The following FAM185A variants were observed in gnomAD, a reference collection of about 807,000 sequenced individuals.
The protein encoded by FAM185A is protein FAM185A.
In FAM185A, 21 loss-of-function variants were observed where a neutral mutation model predicts 45.7. The ratio of observed to expected loss-of-function variants is 0.46; its 90% confidence interval spans 0.33 to 0.66. FAM185A has a LOEUF of 0.66. Among genes scored for constraint, FAM185A ranks in the 30% least tolerant of loss-of-function variants. The probability of loss-of-function intolerance (pLI) is 0.03; values close to 1 mark genes in which losing one functional copy is unlikely to be tolerated. For synonymous variants in FAM185A, 117 were observed against 194.0 expected, an observed-to-expected ratio of 0.60 and a Z score of 3.30; for missense variants, 305 against 485.4, an observed-to-expected ratio of 0.63 and a Z score of 3.49.
intron 7 of FAM185A, among the ~76,000 whole-genome samples, chr7:102,807,697 A>T (rs1459273506): frequency 6.6e-6 from 1 of 151,216 alleles, no homozygotes; most frequent in African/African-American, 2.4e-5. Context: ...GTGGATCACG[A>T]GGTAAGGAGT....
chr7:102,826,770 T>C, the FAM185A span, among the ~76,000 whole-genome samples: 34 of 98,980 alleles, frequency 3.4e-4, 1 homozygote, highest in African/African-American at 1.2e-3. Flanking sequence ...TATATATATA[T>C]ATGTATATAT....
chr7:102,828,498 G>T, the FAM185A span, among the ~76,000 whole-genome samples: 1 of 152,164 alleles, frequency 6.6e-6, no homozygotes, highest in African/African-American at 2.4e-5. Flanking sequence ...TTGTCATGGG[G>T]AATCCCAGAA....
chr7:102,809,827 C>T (rs892636974), downstream of FAM185A, among the ~76,000 whole-genome samples: 4 of 151,942 alleles, frequency 2.6e-5, no homozygotes, highest in African/African-American at 9.7e-5. Flanking sequence ...AAATGTAATC[C>T]CCAGTGTTGG....
In FAM185A at chr7:102,749,505, C is replaced by A. The variant is rs1429738763; in HGVS notation, c.298C>A (p.Arg100Ser). ...LDPLTYPDGDRVLVAVCGVEG... is the reference protein window; with the variant it reads ...LDPLTYPDGDSVLVAVCGVEG... ...CCCCCTCACCTACCCGGATGGCGAC[C>A]GCGTGCTGGTCGCGGTGTGCGGCGT... Residue 100 changes from arginine to serine, a missense_variant, in exon 1 of 8, where the codon CGC (arginine) becomes AGC (serine). This residue lies in a region of FAM185A where 174 missense variants were observed against 247.1 expected (regional missense o/e 0.70). Transcript: ENST00000413034. The A allele has an allele frequency of 1.3e-6, 2 of 1,526,072 alleles. No homozygotes were observed. The highest frequency in any genetic ancestry group is 1.8e-6 in the Non-Finnish European group (2 of 1,136,588). 94.5% of individuals were successfully genotyped at this position (1,526,072 alleles called of 1,614,324 possible). A position where few individuals can be genotyped will look rare whatever the true frequency, so the allele number is the denominator to read the frequency against.
chr7:102,831,431 A>ACACACACCCCCC, the FAM185A span, among the ~76,000 whole-genome samples: 53 of 147,230 alleles, frequency 3.6e-4, no homozygotes, highest in African/African-American at 1.2e-3. Context: ...ACACACACAC[A>ACACACACCCCCC]CCCCACTACA....
At chr7:102,801,273 C>G (rs916689909) in intron 7 of FAM185A, among the ~76,000 whole-genome samples, 2 of 152,022 alleles carry the variant, frequency 1.3e-5, no homozygotes, top group African/African-American at 2.4e-5. Context: ...AACAGAACCT[C>G]TTTAAGACAT....
At chr7:102,831,510 C>T in the FAM185A span, among the ~76,000 whole-genome samples, 3 of 151,896 alleles carry the variant, frequency 2.0e-5, no homozygotes, top group Non-Finnish European at 2.9e-5. Flanking sequence ...AATAAATCTC[C>T]AGGCTTCTGT....
chr7:102,811,901 G>A (rs1366834276), downstream of FAM185A, among the ~76,000 whole-genome samples: 1 of 152,184 alleles, frequency 6.6e-6, no homozygotes, highest in African/African-American at 2.4e-5. Context: ...AACTTTGCAA[G>A]TCAACCTCAG....
chr7:102,781,663 AC>A (rs1199045070), intron 6 of FAM185A, among the ~76,000 whole-genome samples: 13 of 152,212 alleles, frequency 8.5e-5, no homozygotes, highest in Non-Finnish European at 1.8e-4. Context: ...TCTGTACGTC[AC>A]CATCATCAAA....
intron 4 of FAM185A, among the ~76,000 whole-genome samples, chr7:102,769,732 G>A (rs1422560880): frequency 4.6e-5 from 7 of 151,806 alleles, no homozygotes; most frequent in African/African-American, 1.2e-4. Flanking sequence ...TCTAGGAGCC[G>A]CATCTGGTGA....
intron 5 of FAM185A, among the ~76,000 whole-genome samples, chr7:102,772,790 A>G (rs2129436715): frequency 6.6e-6 from 1 of 151,346 alleles, no homozygotes; most frequent in East Asian, 1.9e-4. Flanking sequence ...TTGGGCTCCA[A>G]ATGTGTTAAC....
chr7:102,831,058 CCT>C, the FAM185A span, among the ~76,000 whole-genome samples: 3 of 152,066 alleles, frequency 2.0e-5, no homozygotes, highest in African/African-American at 7.2e-5. Context: ...GGGAACCACC[CCT>C]GTCAGTCATT....
chr7:102,805,847 G>T (rs1173496236), intron 7 of FAM185A, among the ~76,000 whole-genome samples: 4 of 152,120 alleles, frequency 2.6e-5, no homozygotes, highest in African/African-American at 9.7e-5. Context: ...AAGATTTTTT[G>T]ATTTCTGATT....
chr7:102,776,169 C>T (rs1429278153), intron 5 of FAM185A, among the ~76,000 whole-genome samples: 5 of 145,722 alleles, frequency 3.4e-5, no homozygotes, highest in Admixed American at 1.4e-4. Flanking sequence ...ATAGTTTTCA[C>T]CACACTCCCT....
chr7:102,839,939 A>G, the FAM185A span, among the ~76,000 whole-genome samples: 12 of 152,170 alleles, frequency 7.9e-5, no homozygotes, highest in African/African-American at 2.9e-4. Flanking sequence ...TGTGTTGTTC[A>G]TTTGCTGGAG....
chr7:102,750,049 C>A (rs1253436843), intron 1 of FAM185A, among the ~76,000 whole-genome samples: 1 of 152,174 alleles, frequency 6.6e-6, no homozygotes, highest in Non-Finnish European at 1.5e-5. Context: ...GCCTGGGGGT[C>A]TGTCCCAAAA....
At chr7:102,752,552 G>C (rs1793430892) in intron 2 of FAM185A, among the ~76,000 whole-genome samples, 2 of 151,802 alleles carry the variant, frequency 1.3e-5, no homozygotes, top group Non-Finnish European at 2.9e-5. Flanking sequence ...TTACAGGCAT[G>C]AGCCACTGCG....
At chr7:102,790,191 A>C (rs1332579835) in intron 7 of FAM185A, among the ~76,000 whole-genome samples, 1 of 152,242 alleles carries the variant, frequency 6.6e-6, no homozygotes, top group Non-Finnish European at 1.5e-5. Context: ...TATGAACTAC[A>C]CATAACATAT....
At chr7:102,834,087 A>AGGGAGG in the FAM185A span, among the ~76,000 whole-genome samples, 1 of 59,680 alleles carries the variant, frequency 1.7e-5, no homozygotes, top group South Asian at 5.6e-4. Context: ...GAAGGAAAGA[A>AGGGAGG]AAGAAAGAAA....
Sources: allele counts gnomAD v4.1 joint callset (sites outside exome capture counted in the v4.1 genomes callset), GRCh38; gene constraint gnomAD v4.1.1; regional missense constraint gnomAD v4.1.1; transcripts MANE v1.5; gene names NCBI Gene and HGNC (gene_info 2026-07-23, HGNC 2026-07-21).